Variants in AUTS2 observed in about 807,000 individuals in gnomAD.
The protein encoded by AUTS2 is autism susceptibility gene 2 protein.
In AUTS2, 17 loss-of-function variants were observed where a neutral mutation model predicts 112.4. The observed-to-expected ratio is 0.15, with a 90% CI of 0.10 to 0.23. The LOEUF (loss-of-function observed/expected upper bound fraction) is 0.23, where lower values mean the gene tolerates loss of function less well. AUTS2 is among the 10% of genes least tolerant of loss of function. The probability of loss-of-function intolerance (pLI) is 1.00; values close to 1 mark genes in which losing one functional copy is unlikely to be tolerated. For missense variants in AUTS2, 1,510 were observed against 1,701.6 expected, an observed-to-expected ratio of 0.89 and a Z score of 1.98; for synonymous variants, 751 against 702.7, an observed-to-expected ratio of 1.07 and a Z score of -1.09.
chr7:70,529,636 A>G (rs983101262), intron 5 of AUTS2, among the ~76,000 whole-genome samples: 1 of 152,246 alleles, frequency 6.6e-6, no homozygotes, highest in Non-Finnish European at 1.5e-5. Context: ...CGCTGCTGGC[A>G]TATCCTGCAA....
chr7:69,673,170 G>A (rs756149709), intron 1 of AUTS2, among the ~76,000 whole-genome samples: 2 of 152,152 alleles, frequency 1.3e-5, no homozygotes, highest in African/African-American at 2.4e-5. Context: ...GGAAAGGACT[G>A]TGTGTTTTTA....
chr7:69,985,575 G>T (rs1798476578), intron 2 of AUTS2, among the ~76,000 whole-genome samples: 1 of 152,116 alleles, frequency 6.6e-6, no homozygotes. Context: ...AGCCGTATGT[G>T]GCTCCCTGCC....
intron 4 of AUTS2, among the ~76,000 whole-genome samples, chr7:70,422,124 A>G (rs1422233773): frequency 1.3e-5 from 2 of 152,236 alleles, no homozygotes; most frequent in Non-Finnish European, 2.9e-5. Context: ...TTAGGATCCT[A>G]TGTGACGGTA....
chr7:70,435,023 A>C (rs1047502997), intron 4 of AUTS2, among the ~76,000 whole-genome samples: 2 of 152,172 alleles, frequency 1.3e-5, no homozygotes, highest in African/African-American at 4.8e-5. Flanking sequence ...TGCTTATCCC[A>C]AACCAAACTC....
chr7:70,157,235 A>T (rs1209680126), intron 4 of AUTS2, among the ~76,000 whole-genome samples: 7 of 152,086 alleles, frequency 4.6e-5, no homozygotes, highest in African/African-American at 1.7e-4. Context: ...CAGTTTTATC[A>T]TACTCAACCT....
chr7:70,012,530 GCCTTTT>G (rs1799852127), intron 2 of AUTS2, among the ~76,000 whole-genome samples: 1 of 152,016 alleles, frequency 6.6e-6, no homozygotes, highest in Admixed American at 6.6e-5. Context: ...ACTTCTTCCA[GCCTTTT>G]CCTTTTCCAC....
intron 6 of AUTS2, among the ~76,000 whole-genome samples, chr7:70,748,430 A>G (rs915756299): frequency 6.6e-6 from 1 of 152,176 alleles, no homozygotes; most frequent in Non-Finnish European, 1.5e-5. Flanking sequence ...CCCCTTTGTA[A>G]AAACCTCTTT....
At chr7:70,593,711 G>A (rs1055482310) in intron 5 of AUTS2, among the ~76,000 whole-genome samples, 3 of 152,212 alleles carry the variant, frequency 2.0e-5, no homozygotes, top group African/African-American at 4.8e-5. Context: ...TCAGGAAAGC[G>A]AGGAACTATT....
intron 17 of AUTS2, chr7:70,786,820 G>GTT: frequency 3.0e-6 from 1 of 333,358 alleles, no homozygotes; most frequent in Non-Finnish European, 5.7e-6. Flanking sequence ...AGAGGAGACA[G>GTT]TGACTTCTAC....
intron 2 of AUTS2, among the ~76,000 whole-genome samples, chr7:70,087,108 C>T (rs1302383589): frequency 1.3e-5 from 2 of 151,824 alleles, no homozygotes; most frequent in African/African-American, 4.8e-5. Context: ...TGTAGGTTTT[C>T]TGCACATACC....
intron 1 of AUTS2, among the ~76,000 whole-genome samples, chr7:69,886,025 G>A (rs1794256987): frequency 6.6e-6 from 1 of 152,292 alleles, no homozygotes; most frequent in South Asian, 2.1e-4. Flanking sequence ...CCACTGAATT[G>A]ATGAATTCTA....
intron 1 of AUTS2, among the ~76,000 whole-genome samples, chr7:69,731,909 C>CTGTAAAATGGGTAACA (rs1200009732): frequency 6.6e-6 from 1 of 152,200 alleles, no homozygotes. Context: ...CTTTCCTCAT[C>CTGTAAAATGGGTAACA]TGTAAAATGG....
chr7:70,673,371 TTC>T (rs1807746237), intron 5 of AUTS2, among the ~76,000 whole-genome samples: 1 of 115,910 alleles, frequency 8.6e-6, no homozygotes, highest in South Asian at 3.2e-4. Context: ...TTTTTTTCTT[TTC>T]TTTTTTTTTT....
At chr7:70,659,135 G>T (rs973191361) in intron 5 of AUTS2, among the ~76,000 whole-genome samples, 6 of 152,122 alleles carry the variant, frequency 3.9e-5, no homozygotes, top group Admixed American at 6.5e-5. Flanking sequence ...CTGTTCTCAG[G>T]GGGGACAAGG....
intron 5 of AUTS2, among the ~76,000 whole-genome samples, chr7:70,619,098 T>C (rs1011236578): frequency 6.6e-6 from 1 of 152,148 alleles, no homozygotes; most frequent in African/African-American, 2.4e-5. Context: ...GCCACCAGGC[T>C]CTCCCTGGGT....
intron 1 of AUTS2, among the ~76,000 whole-genome samples, chr7:69,833,132 TCC>T (rs1380822272): frequency 1.8e-4 from 28 of 152,286 alleles, no homozygotes; most frequent in Admixed American, 3.3e-4. Context: ...TGGACTCCAC[TCC>T]TGGTGGTATG....
intron 1 of AUTS2, among the ~76,000 whole-genome samples, chr7:69,617,612 TC>T (rs1381916038): frequency 6.6e-6 from 1 of 152,100 alleles, no homozygotes; most frequent in African/African-American, 2.4e-5. Context: ...AAAGCAACTG[TC>T]CAAAGCCCTC....
chr7:70,662,038 G>A (rs1327016456), intron 5 of AUTS2, among the ~76,000 whole-genome samples: 1 of 152,210 alleles, frequency 6.6e-6, no homozygotes, highest in African/African-American at 2.4e-5. Flanking sequence ...AGGGTGAGCA[G>A]ACAATGGGGG....
intron 4 of AUTS2, among the ~76,000 whole-genome samples, chr7:70,367,320 G>A (rs1585064416): frequency 6.6e-6 from 1 of 151,848 alleles, no homozygotes; most frequent in Admixed American, 6.6e-5. Flanking sequence ...ACTTTGGAAG[G>A]CCAAGGTGAG....
Sources: allele counts gnomAD v4.1 joint callset (sites outside exome capture counted in the v4.1 genomes callset), GRCh38; gene constraint gnomAD v4.1.1; transcripts MANE v1.5; gene names NCBI Gene and HGNC (gene_info 2026-07-23, HGNC 2026-07-21).